GRB10: variants seen among roughly 807,000 people sequenced by gnomAD.
GRB10 encodes the protein growth factor receptor bound protein 10, also known as growth factor receptor-bound protein 10.
In GRB10, 20 loss-of-function variants were observed where a neutral mutation model predicts 80.9. That is an observed-to-expected ratio of 0.25 (90% CI 0.17 to 0.36). The LOEUF (loss-of-function observed/expected upper bound fraction) is 0.36, where lower values mean the gene tolerates loss of function less well. Among genes scored for constraint, GRB10 ranks in the 10% least tolerant of loss-of-function variants. The pLI, the probability that GRB10 is intolerant of heterozygous loss-of-function variation, is 1.00. For synonymous variants in GRB10, 291 were observed against 291.5 expected (o/e 1.00, Z 0.02); for missense variants, 548 against 747.7 (o/e 0.73, Z 3.12).
intron 7 of GRB10, among the ~76,000 whole-genome samples, chr7:50,652,257 T>C (rs1002991301): frequency 2.0e-5 from 3 of 152,194 alleles, no homozygotes; most frequent in Non-Finnish European, 4.4e-5. Context: ...ACTGCTAGTA[T>C]TGCAGACACC....
At chr7:50,672,299 G>A (rs958517519) in intron 6 of GRB10, among the ~76,000 whole-genome samples, 2 of 152,128 alleles carry the variant, frequency 1.3e-5, no homozygotes, top group South Asian at 2.1e-4. Flanking sequence ...CCCAGTTACC[G>A]CCCCGCTGTG....
At chr7:50,690,023 G>A (rs1337591873) in intron 5 of GRB10, among the ~76,000 whole-genome samples, 15 of 151,880 alleles carry the variant, frequency 9.9e-5, no homozygotes, top group South Asian at 2.1e-4. Flanking sequence ...AAGGCTGGGC[G>A]CGGTGGCTCA....
At chr7:50,612,996 G>A (rs985932991) in intron 12 of GRB10, among the ~76,000 whole-genome samples, 157 bp from the exon 13 acceptor site, 1 of 152,196 alleles carries the variant, frequency 6.6e-6, no homozygotes, top group Non-Finnish European at 1.5e-5. Context: ...TGTGTTAAGC[G>A]TTCATTCATC....
At chr7:50,613,621 C>T (rs1431169625) in intron 12 of GRB10, among the ~76,000 whole-genome samples, 2 of 152,152 alleles carry the variant, frequency 1.3e-5, no homozygotes, top group Non-Finnish European at 2.9e-5. Flanking sequence ...ACCCTGCGCT[C>T]GGCTGGTGCT....
chr7:50,725,890 A>T (rs2068561798), intron 4 of GRB10: 1 of 152,236 alleles, frequency 6.6e-6, no homozygotes, highest in Admixed American at 6.5e-5. Context: ...TGCACAGCCA[A>T]GCACACGGTG....
At chr7:50,742,763 C>T (rs2072126287) in intron 3 of GRB10, among the ~76,000 whole-genome samples, 1 of 152,066 alleles carries the variant, frequency 6.6e-6, no homozygotes, top group Non-Finnish European at 1.5e-5. Context: ...GTTAAAAGCT[C>T]CTCAGCTGTT....
chr7:50,678,155 G>C (rs564519279), intron 5 of GRB10, among the ~76,000 whole-genome samples: 2 of 152,270 alleles, frequency 1.3e-5, no homozygotes, highest in African/African-American at 2.4e-5. Context: ...TCATTCCTGG[G>C]TCATAGCTCT....
chr7:50,738,318 G>A (rs2071154660), intron 3 of GRB10, among the ~76,000 whole-genome samples: 2 of 152,196 alleles, frequency 1.3e-5, no homozygotes, highest in African/African-American at 2.4e-5. Flanking sequence ...AGAGGCTCAG[G>A]TACTTCTATA....
intron 2 of GRB10, among the ~76,000 whole-genome samples, chr7:50,769,696 G>T (rs1406929570): frequency 6.6e-6 from 1 of 152,084 alleles, no homozygotes; most frequent in African/African-American, 2.4e-5. Flanking sequence ...ACATCTGTGT[G>T]TGTACTCAAA....
intron 7 of GRB10, among the ~76,000 whole-genome samples, chr7:50,665,475 C>T (rs148020386): frequency 3.9e-5 from 6 of 152,374 alleles, no homozygotes; most frequent in South Asian, 4.1e-4. Context: ...GGCAGAGGTG[C>T]GTGGAAGTGC....
At position 50,758,435 on chromosome 7, in the gene GRB10, C is replaced by T. The variant is rs561632695; in HGVS notation, c.-216-2379G>A. 3.3e-5 allele frequency among the ~76,000 whole-genome samples: 5 copies of T among 152,326 alleles called. No homozygotes were observed. In the South Asian group the frequency reaches 1.0e-3, roughly 32 times the overall value. ...AAATAAATAATGTCTTAACTTACTTCCAAAATATCCCAGAAACAAAGGGCC... is the reference window on the plus strand; with the variant it reads ...AAATAAATAATGTCTTAACTTACTTTCAAAATATCCCAGAAACAAAGGGCC... On this transcript the variant is annotated intron_variant, in intron 2 of 18. Transcript: ENST00000401949.
chr7:50,732,693 C>A (rs915088608), intron 3 of GRB10, among the ~76,000 whole-genome samples: 1 of 152,156 alleles, frequency 6.6e-6, no homozygotes, highest in Non-Finnish European at 1.5e-5. Flanking sequence ...CTTCCCTATA[C>A]CATCTATTAA....
chr7:50,749,134 G>GTGTTTTT (rs1940865977), intron 3 of GRB10, among the ~76,000 whole-genome samples: 7 of 137,938 alleles, frequency 5.1e-5, no homozygotes, highest in Admixed American at 3.0e-4. Flanking sequence ...TTTTTTGTTT[G>GTGTTTTT]TTTTTTTTTT....
At chr7:50,649,793 A>G (rs1329942455) in intron 7 of GRB10, among the ~76,000 whole-genome samples, 1 of 152,212 alleles carries the variant, frequency 6.6e-6, no homozygotes, top group Non-Finnish European at 1.5e-5. Context: ...CAAAGGGGGA[A>G]TCAAGGATAT....
At chr7:50,695,715 T>C (rs1420152288) in intron 5 of GRB10, among the ~76,000 whole-genome samples, 1 of 152,232 alleles carries the variant, frequency 6.6e-6, no homozygotes, top group Non-Finnish European at 1.5e-5. Context: ...CTTTTGTTCC[T>C]TCCTGTCTGC....
intron 5 of GRB10, among the ~76,000 whole-genome samples, chr7:50,691,296 A>C (rs1432347856): frequency 6.6e-6 from 1 of 152,166 alleles, no homozygotes; most frequent in African/African-American, 2.4e-5. Flanking sequence ...CTAGAAGCAG[A>C]ATAGTAGAGG....
At chr7:50,706,868 C>CTGAG (rs1251395733) in intron 4 of GRB10, among the ~76,000 whole-genome samples, 1 of 152,212 alleles carries the variant, frequency 6.6e-6, no homozygotes, top group Non-Finnish European at 1.5e-5. Context: ...ACAAGCCAGG[C>CTGAG]TGAGCCCTGG....
chr7:50,726,554 T>C (rs2068689784), intron 4 of GRB10, among the ~76,000 whole-genome samples: 1 of 152,184 alleles, frequency 6.6e-6, no homozygotes, highest in East Asian at 1.9e-4. Flanking sequence ...AATAAATATA[T>C]ACATATTTAT....
intron 17 of GRB10, among the ~76,000 whole-genome samples, chr7:50,603,244 T>C (rs915712076): frequency 6.6e-6 from 1 of 152,224 alleles, no homozygotes; most frequent in African/African-American, 2.4e-5. Context: ...GTCGGCCTTC[T>C]GTGGTAACTG....
Sources: allele counts gnomAD v4.1 joint callset (sites outside exome capture counted in the v4.1 genomes callset), GRCh38; gene constraint gnomAD v4.1.1; transcripts MANE v1.5; gene names NCBI Gene and HGNC (gene_info 2026-07-23, HGNC 2026-07-21).